MCC: variants seen among roughly 807,000 people sequenced by gnomAD.
MCC encodes colorectal mutant cancer protein.
In MCC, 90 loss-of-function variants were observed where a neutral mutation model predicts 116.2. The observed-to-expected ratio is 0.77, with a 90% CI of 0.65 to 0.92. MCC has a LOEUF of 0.92. Ranked by LOEUF, MCC falls within the 40% of genes least tolerant of loss-of-function variation. The probability of loss-of-function intolerance (pLI) is 0.00; values close to 1 mark genes in which losing one functional copy is unlikely to be tolerated. For missense variants in MCC, 1,516 were observed against 1,312.2 expected (o/e 1.16, Z -2.40); for synonymous variants, 578 against 510.5 (o/e 1.13, Z -1.78).
intron 17 of MCC, among the ~76,000 whole-genome samples, chr5:113,040,502 TG>T (rs1343505479): frequency 6.6e-6 from 1 of 152,190 alleles, no homozygotes; most frequent in Non-Finnish European, 1.5e-5. Flanking sequence ...CTGAAAATGC[TG>T]GTAAGATTCC....
chr5:113,140,061 T>C (rs1348113294), intron 5 of MCC, among the ~76,000 whole-genome samples: 1 of 152,196 alleles, frequency 6.6e-6, no homozygotes, highest in Non-Finnish European at 1.5e-5. Context: ...GAACATACAA[T>C]AAAACTTCCC....
At chr5:113,048,763 C>A (rs1353151930) in intron 16 of MCC, 1 of 460,242 alleles carries the variant, frequency 2.2e-6, no homozygotes. Context: ...ACCAATAAAC[C>A]AACAAATGAG....
chr5:113,061,755 T>C (rs935452786), intron 14 of MCC, among the ~76,000 whole-genome samples: 1 of 152,202 alleles, frequency 6.6e-6, no homozygotes, highest in South Asian at 2.1e-4. Flanking sequence ...GGGCAGTTGA[T>C]GGACACTCTG....
chr5:113,076,518 A>G (rs773076997), intron 11 of MCC, among the ~76,000 whole-genome samples: 13 of 152,214 alleles, frequency 8.5e-5, no homozygotes, highest in Non-Finnish European at 1.6e-4. Flanking sequence ...ATACTCTTAA[A>G]GAAAAGCATT....
chr5:113,185,057 T>C (rs896800211), intron 3 of MCC, among the ~76,000 whole-genome samples: 6 of 152,168 alleles, frequency 3.9e-5, no homozygotes, highest in African/African-American at 1.4e-4. Context: ...TGAAGGATAA[T>C]GAACAACCAC....
chr5:113,027,272 A>G lies in MCC; in HGVS notation c.*30T>C, dbSNP rs770420208. 7 of 1,610,092 alleles carry G rather than the reference A, an allele frequency of 4.3e-6. No homozygotes were observed. Among genetic ancestry groups the G allele is most frequent in the African/African-American group, 1.3e-5 (1 of 74,702 alleles). ...AGTGGCCTGCTGCAGTTTACTTCCCATGGGCAGAACTCCGGTGCGTGAGTG... is the reference window on the plus strand; with the variant it reads ...AGTGGCCTGCTGCAGTTTACTTCCCGTGGGCAGAACTCCGGTGCGTGAGTG... On this transcript the variant is annotated 3_prime_UTR_variant, in exon 19 of 19. Transcript: ENST00000408903.
At position 113,166,832 on chromosome 5, in the gene MCC, C is replaced by T. The variant is rs191788626; in HGVS notation, c.628-15410G>A. Among the ~76,000 whole-genome samples, 44 of 151,696 alleles carry T rather than the reference C, an allele frequency of 2.9e-4. No homozygotes were observed. In the East Asian group the frequency reaches 8.3e-3, roughly 29 times the overall value. On this transcript the variant is annotated intron_variant, in intron 3 of 18. Coordinates refer to ENST00000408903, the MANE Select transcript of MCC (RefSeq NM_001085377.2). Reference sequence around the variant, plus strand: ...GGTAAGGAGAACAGAGGCAAATTAGCACTAGCTGCCAAGCATATGATGAAC... The same window carrying T: ...GGTAAGGAGAACAGAGGCAAATTAGTACTAGCTGCCAAGCATATGATGAAC...
intron 5 of MCC, among the ~76,000 whole-genome samples, chr5:113,130,034 A>G (rs998379610): frequency 6.6e-6 from 1 of 152,208 alleles, no homozygotes; most frequent in Non-Finnish European, 1.5e-5. Flanking sequence ...ACACATGCAC[A>G]TGTATGTTTA....
intron 9 of MCC, 72 bp downstream of exon 9, chr5:113,085,092 G>C: frequency 1.9e-6 from 3 of 1,603,810 alleles, no homozygotes; most frequent in South Asian, 1.1e-5. Context: ...CTGTACAGTG[G>C]CTAGGATGAG....
rs1190913635 is a variant in MCC at position 113,058,339 on chromosome 5, G to A, written c.2214-4380C>T. On this transcript the variant is annotated intron_variant, in intron 14 of 18. Coordinates refer to ENST00000408903, the MANE Select transcript of MCC (RefSeq NM_001085377.2). ...GTCCACCCCAGCAGTTTTCCAAGAG[G>A]GGTCCCGGGCTGGCCGCATCAGCAG... Among the ~76,000 whole-genome samples, 6 of 152,272 alleles carry A rather than the reference G, an allele frequency of 3.9e-5. No individual in the cohort carries two copies. The East Asian group carries it at 9.7e-4, about 24-fold the overall frequency.
intron 17 of MCC, among the ~76,000 whole-genome samples, chr5:113,034,184 G>A (rs1421359759): frequency 2.0e-5 from 3 of 151,752 alleles, no homozygotes; most frequent in Non-Finnish European, 4.4e-5. Context: ...ACAGGCCTGA[G>A]CAACTCCACC....
intron 17 of MCC, among the ~76,000 whole-genome samples, chr5:113,033,706 G>C (rs1278979382): frequency 6.6e-6 from 1 of 152,146 alleles, no homozygotes; most frequent in Non-Finnish European, 1.5e-5. Context: ...TTTATGCCCA[G>C]TAGTATTGGC....
At chr5:113,058,683 T>G (rs6879589) in intron 14 of MCC, among the ~76,000 whole-genome samples, 53,955 of 152,098 alleles carry the variant, frequency 0.35, 9,672 homozygotes, top group Non-Finnish European at 0.39. Context: ...CCTCTGCCAC[T>G]TCCTTGCTTT....
chr5:113,089,239 C>T (rs573593765), intron 8 of MCC, among the ~76,000 whole-genome samples: 142 of 152,296 alleles, frequency 9.3e-4, no homozygotes, highest in African/African-American at 3.3e-3. Flanking sequence ...AGAAACCTGG[C>T]TGGCCTCTGC....
At chr5:113,298,883 AAAGT>A (rs1766778693) in intron 3 of MCC, among the ~76,000 whole-genome samples, 1 of 152,208 alleles carries the variant, frequency 6.6e-6, no homozygotes, top group Admixed American at 6.5e-5. Context: ...TGACTCAAGG[AAAGT>A]TAGACAGAGA....
chr5:113,124,079 C>T (rs985510608), intron 5 of MCC, among the ~76,000 whole-genome samples: 3 of 152,110 alleles, frequency 2.0e-5, no homozygotes, highest in African/African-American at 7.2e-5. Flanking sequence ...CAGCTGAGCC[C>T]GTGCTTTATA....
At chr5:113,144,987 C>T (rs780058492) in intron 4 of MCC, among the ~76,000 whole-genome samples, 1 of 152,208 alleles carries the variant, frequency 6.6e-6, no homozygotes, top group Non-Finnish European at 1.5e-5. Flanking sequence ...CAGCCACAGA[C>T]ACTCTTTCCA....
intron 6 of MCC, among the ~76,000 whole-genome samples, chr5:113,118,527 G>A (rs1048258539): frequency 6.6e-6 from 1 of 152,194 alleles, no homozygotes; most frequent in Non-Finnish European, 1.5e-5. Flanking sequence ...GGGTGGTTAT[G>A]AAAACAAAAG....
chr5:113,477,152 C>T (rs1344056877), intron 1 of MCC, among the ~76,000 whole-genome samples: 2 of 152,050 alleles, frequency 1.3e-5, no homozygotes, highest in Admixed American at 6.6e-5. Flanking sequence ...CTTGGCACAG[C>T]CTAGTATACA....
Sources: gnomAD v4.1 joint callset for allele counts (sites outside exome capture counted in the v4.1 genomes callset) on GRCh38, gnomAD v4.1.1 for gene constraint, MANE v1.5 for transcripts, NCBI Gene and HGNC (gene_info 2026-07-23, HGNC 2026-07-21) for gene names.